The following LPAR4 variants were observed in gnomAD, a reference collection of about 807,000 sequenced individuals.
LPAR4 encodes lysophosphatidic acid receptor 4, also known as G-protein coupled receptor 23.
In LPAR4, 14 loss-of-function variants were observed where a neutral mutation model predicts 9.2. The ratio of observed to expected loss-of-function variants is 1.51; its 90% CI spans 1.00 to 2.37. The LOEUF (loss-of-function observed/expected upper bound fraction) is 2.37. Among genes scored for constraint, LPAR4 ranks in the 30% most tolerant of loss-of-function variants. The probability of loss-of-function intolerance (pLI) is 0.00; values close to 1 mark genes in which losing one functional copy is unlikely to be tolerated. For synonymous variants in LPAR4, 131 were observed against 97.9 expected (o/e 1.34, Z -1.99); for missense variants, 251 against 272.1 (o/e 0.92, Z 0.55).
rs754045770 is a variant in LPAR4, at chrX:78,755,414, A to G, written c.545A>G (p.Asn182Ser). 25 of 1,207,925 alleles carry G rather than the reference A, an allele frequency of 2.1e-5. No individual in the cohort carries two copies. In the African/African-American group the frequency reaches 3.2e-4, roughly 15 times the overall value. ...SASLFSTTNVNNATTTCFEGF... is the reference protein window; with the variant it reads ...SASLFSTTNVSNATTTCFEGF... The stretch of plus-strand genomic sequence containing the variant: ...TCTTTGTTTTCCACCACTAATGTCA[A>G]CAATGCAACCACCACCTGCTTTGAA... Residue 182 changes from asparagine (N) to serine (S), a missense_variant, in exon 5 of 5, where the codon AAC (asparagine) becomes AGC (serine). Asn to Ser is a conservative substitution (Grantham distance 46). Transcript: ENST00000614823.
At position 78,757,386 on chromosome X, in the gene LPAR4, T is replaced by C. The variant is rs1253891117; in HGVS notation, c.*1404T>C. On this transcript the variant is annotated 3_prime_UTR_variant, in exon 5 of 5. Coordinates refer to ENST00000614823, the MANE Select transcript of LPAR4 (RefSeq NM_001278000.3). ...ATTTAGAACTTGCATTTTCTGAGCA[T>C]CTGCGAAACTTACAAAACACTATAA... 9.0e-6 allele frequency among the ~76,000 whole-genome samples: 1 copy of C among 111,652 alleles called. No individual in the cohort carries two copies. The highest frequency in any genetic ancestry group is 1.9e-5 in the Non-Finnish European group (1 of 53,000).
chrX:78,754,880 G>T lies in LPAR4; in HGVS notation c.11G>T (p.Arg4Ile). The T allele has an allele frequency of 8.4e-7, 1 of 1,195,042 alleles. No individual in the cohort carries two copies. Among genetic ancestry groups the T allele is most frequent in the Non-Finnish European group, 1.1e-6 (1 of 887,253 alleles). Residue 4 changes from arginine (R) to isoleucine (I), a missense_variant, in exon 5 of 5, where the codon AGA becomes ATA. Arg to Ile is a moderately conservative substitution (Grantham distance 97). Transcript: ENST00000614823. ...CTGAAAAAAAAGTCCATGGGTGACA[G>T]AAGATTCATTGACTTCCAATTCCAA... is the stretch of plus-strand genomic sequence containing the variant. Reference protein sequence around the residue: MGDRRFIDFQFQDS... With the variant: MGDIRFIDFQFQDS...
chrX:78,748,318 A>G (rs1924923977), intron 1 of LPAR4, among the ~76,000 whole-genome samples: 1 of 112,444 alleles, frequency 8.9e-6, no homozygotes, highest in African/African-American at 3.2e-5. Context: ...GTGTAGAACA[A>G]TTTAGAAAGT....
rs1160036455 is a variant in LPAR4 at position 78,755,816 on chromosome X, A to T, written c.947A>T (p.Glu316Val). ...CCTTTCATCTATTACTTCACCCTTG[A>T]ATCCTTTCAGAAGTCCTTCTACATC... ...FDPFIYYFTL[E>V]SFQKSFYINA... The change falls in exon 5 of 5, where the codon GAA (glutamate) becomes GTA (valine). Residue 316 changes from glutamate to valine, a missense_variant. Transcript: ENST00000614823. The T allele has an allele frequency of 1.7e-6, 2 of 1,210,488 alleles. No individual in the cohort carries two copies. Among genetic ancestry groups the T allele is most frequent in the Admixed American group, 4.3e-5 (2 of 45,984 alleles).
chrX:78,754,369 G>GA (rs1925195185), intron 4 of LPAR4, among the ~76,000 whole-genome samples: 1 of 111,227 alleles, frequency 9.0e-6, no homozygotes, highest in Non-Finnish European at 1.9e-5. Context: ...GGGCAGAAGG[G>GA]AAAAGCCTTC....
rs74756944 is a variant in LPAR4 at position 78,749,955 on chromosome X, C to T, written c.-294-219C>T. 7.7e-3 allele frequency among the ~76,000 whole-genome samples: 854 copies of T among 111,389 alleles called. 12 individuals carry two copies. The highest frequency in any genetic ancestry group is 0.026 in the African/African-American group (798 of 30,699). On this transcript the variant is annotated intron_variant, in intron 1 of 4. Transcript: ENST00000614823. The stretch of plus-strand genomic sequence containing the variant: ...AGACTCAGAAATGGACTGTGACTTG[C>T]TCTCACAGAGCTCGTGATGGGGCTG...
In LPAR4 at chrX:78,755,862, G is replaced by C. The variant is rs139560778; in HGVS notation, c.993G>C (p.Glu331Asp). Residue 331 changes from glutamate (E) to aspartate (D), a missense_variant, in exon 5 of 5, where the codon GAG (glutamate) becomes GAC (aspartate). Glu to Asp is a conservative substitution (Grantham distance 45, BLOSUM62 2). Transcript: ENST00000614823. ...SFYINAHIRM[E>D]SLFKTETPLT... ...ACATCAATGCCCACATCAGAATGGA[G>C]TCCCTGTTTAAGACTGAAACACCTT... is the stretch of plus-strand genomic sequence containing the variant. 18 of 1,208,437 alleles carry C rather than the reference G, an allele frequency of 1.5e-5. No individual in the cohort carries two copies. In the African/African-American group the frequency reaches 2.8e-4, roughly 19 times the overall value.
intron 4 of LPAR4, among the ~76,000 whole-genome samples, chrX:78,753,072 G>A (rs1369607926): frequency 8.9e-6 from 1 of 111,787 alleles, no homozygotes; most frequent in African/African-American, 3.2e-5. Context: ...CAATAAAAAT[G>A]CAGCTACCCA....
chrX:78,754,990 C>T lies in LPAR4; in HGVS notation c.121C>T (p.Leu41Phe). The T allele has an allele frequency of 8.3e-7, 1 of 1,209,743 alleles. No homozygotes were observed. Among genetic ancestry groups the T allele is most frequent in the Non-Finnish European group, 1.1e-6 (1 of 893,889 alleles). ...CIVDDSFKYNLNGAVYSVVFI... is the reference protein window; with the variant it reads ...CIVDDSFKYNFNGAVYSVVFI... Reference sequence around the variant, plus strand: ...TGTTGATGATTCCTTCAAGTATAATCTCAATGGTGCTGTCTACAGTGTTGT... The same window carrying T: ...TGTTGATGATTCCTTCAAGTATAATTTCAATGGTGCTGTCTACAGTGTTGT... Residue 41 changes from leucine (L) to phenylalanine (F), a missense_variant, in exon 5 of 5, where the codon CTC becomes TTC. By Grantham distance (22) the Leu-to-Phe change is conservative. Transcript: ENST00000614823.
intron 1 of LPAR4, among the ~76,000 whole-genome samples, chrX:78,749,909 A>G (rs1017602256): frequency 9.0e-6 from 1 of 111,434 alleles, no homozygotes; most frequent in African/African-American, 3.3e-5. Flanking sequence ...AAGACTGAAG[A>G]TTAAAGGAGA....
rs138318226 is a variant in LPAR4, at chrX:78,747,791, A to G, written c.-538A>G. 207 of 107,990 alleles carry G rather than the reference A, an allele frequency of 1.9e-3. No homozygotes were observed. Among genetic ancestry groups the G allele is most frequent in the African/African-American group, 6.0e-3 (176 of 29,554 alleles). 8.9% of individuals were successfully genotyped at this position (107,990 alleles called of 1,213,427 possible). A position where few individuals can be genotyped will look rare whatever the true frequency, so the allele number is the denominator to read the frequency against. Reference sequence around the variant, plus strand: ...GAGAGGGAGTCGTTAACAAAGGGAAAGAGATAAATGTAAATAAGCTCACAT... The same window carrying G: ...GAGAGGGAGTCGTTAACAAAGGGAAGGAGATAAATGTAAATAAGCTCACAT... On this transcript the variant is annotated 5_prime_UTR_variant, in exon 1 of 5. Transcript: ENST00000614823.
At position 78,747,760 on chromosome X, in the gene LPAR4, A is replaced by G. The variant is rs1206452306; in HGVS notation, c.-569A>G. 1 of 109,172 alleles carries G rather than the reference A, an allele frequency of 9.2e-6. No homozygotes were observed. Among genetic ancestry groups the G allele is most frequent in the African/African-American group, 3.3e-5 (1 of 29,862 alleles). The allele number at this position is 109,172 out of a possible 1,213,427, so 9.0% of individuals were successfully genotyped here. A position where few individuals can be genotyped will look rare whatever the true frequency, so the allele number is the denominator to read the frequency against. ...TTGCTAAAGGCATGCGGGCTACAGCATTCAAGAGAGGGAGTCGTTAACAAA... is the reference window on the plus strand; with the variant it reads ...TTGCTAAAGGCATGCGGGCTACAGCGTTCAAGAGAGGGAGTCGTTAACAAA... On this transcript the variant is annotated 5_prime_UTR_variant, in exon 1 of 5. Transcript: ENST00000614823.
In LPAR4 at chrX:78,750,741, A is replaced by G. The variant is rs970146080; in HGVS notation, c.-233A>G. 1 of 109,522 alleles carries G rather than the reference A, an allele frequency of 9.1e-6. No homozygotes were observed. The highest frequency in any genetic ancestry group is 3.3e-5 in the African/African-American group (1 of 30,050). The allele number at this position is 109,522 out of a possible 1,213,427, so 9.0% of individuals were successfully genotyped here. A position where few individuals can be genotyped will look rare whatever the true frequency, so the allele number is the denominator to read the frequency against. On this transcript the variant is annotated 5_prime_UTR_variant, in exon 3 of 5. It removes an upstream start codon present in the reference 5' UTR. Transcript: ENST00000614823. ...CTTCCCTTATTAAGGACCCTGCCCAATGGTAACAGTTGTTGCCAAGAAAAG... is the reference window on the plus strand; with the variant it reads ...CTTCCCTTATTAAGGACCCTGCCCAGTGGTAACAGTTGTTGCCAAGAAAAG...
intron 4 of LPAR4, among the ~76,000 whole-genome samples, chrX:78,753,383 A>G (rs1325531521): frequency 9.0e-6 from 1 of 111,695 alleles, no homozygotes; most frequent in East Asian, 2.8e-4. Flanking sequence ...CTCAAGAGCC[A>G]AATGTCTTTC....
intron 4 of LPAR4, among the ~76,000 whole-genome samples, chrX:78,754,538 C>A (rs1925202073): frequency 1.8e-5 from 2 of 111,892 alleles, no homozygotes; most frequent in Admixed American, 1.9e-4. Flanking sequence ...TTTTTGGACT[C>A]TTGAGTGACC....
At chrX:78,749,267 C>G (rs777607190) in intron 1 of LPAR4, 1 of 111,562 alleles carries the variant, frequency 9.0e-6, no homozygotes, top group African/African-American at 3.3e-5. Context: ...TACCTTTTGT[C>G]TGTGTATATG....
At chrX:78,754,312 A>C (rs1210334800) in intron 4 of LPAR4, among the ~76,000 whole-genome samples, 1 of 111,873 alleles carries the variant, frequency 8.9e-6, no homozygotes, top group Non-Finnish European at 1.9e-5. Context: ...GTGAGCTAGA[A>C]TCATGCTGTG....
chrX:78,752,333 T>C (rs948121400), intron 4 of LPAR4, among the ~76,000 whole-genome samples: 3 of 111,976 alleles, frequency 2.7e-5, no homozygotes, highest in Non-Finnish European at 5.6e-5. Context: ...AACACTGATA[T>C]AAAACCTGTA....
In LPAR4 at chrX:78,755,417, A is replaced by G; in HGVS notation, c.548A>G (p.Asn183Ser). ...TTGTTTTCCACCACTAATGTCAACA[A>G]TGCAACCACCACCTGCTTTGAAGGC... is the stretch of plus-strand genomic sequence containing the variant. ...ASLFSTTNVNNATTTCFEGFS... is the reference protein window; with the variant it reads ...ASLFSTTNVNSATTTCFEGFS... The change falls in exon 5 of 5, where the codon AAT (asparagine) becomes AGT (serine). Residue 183 changes from asparagine (N) to serine (S), a missense_variant. Transcript: ENST00000614823. 1.7e-6 allele frequency: 2 copies of G among 1,209,841 alleles called. No individual in the cohort carries two copies. The highest frequency in any genetic ancestry group is 2.2e-6 in the Non-Finnish European group (2 of 894,073).
Sources: gnomAD v4.1 joint callset for allele counts (sites outside exome capture counted in the v4.1 genomes callset) on GRCh38, gnomAD v4.1.1 for gene constraint, MANE v1.5 for transcripts, NCBI Gene and HGNC (gene_info 2026-07-23, HGNC 2026-07-21) for gene names.